NUP98: variants seen among roughly 807,000 people sequenced by gnomAD.
NUP98 encodes nuclear pore complex protein Nup98-Nup96.
NUP98 carries 26 observed loss-of-function variants against 191.9 expected under a neutral mutation model. The observed-to-expected ratio is 0.14, with a 90% CI of 0.10 to 0.19. The LOEUF (loss-of-function observed/expected upper bound fraction) is 0.19, where lower values mean the gene tolerates loss of function less well. NUP98 is among the 10% of genes least tolerant of loss of function. The pLI is 1.00. For synonymous variants in NUP98, 808 were observed against 778.4 expected (o/e 1.04, Z -0.63); for missense variants, 1,941 against 2,178.8 (o/e 0.89, Z 2.17).
intron 1 of NUP98, among the ~76,000 whole-genome samples, chr11:3,793,623 T>TA (rs374285938): frequency 4.8e-4 from 73 of 151,632 alleles, no homozygotes; most frequent in African/African-American, 1.7e-3. Flanking sequence ...CTTTCCTTAC[T>TA]AAAAAAAACT....
chr11:3,778,147 C>T (rs973314647), intron 4 of NUP98, among the ~76,000 whole-genome samples: 4 of 139,634 alleles, frequency 2.9e-5, no homozygotes, highest in East Asian at 4.2e-4. Context: ...CGCAATGAGC[C>T]GAGATTGCGC....
intron 11 of NUP98, among the ~76,000 whole-genome samples, chr11:3,747,967 A>G (rs921409459): frequency 2.0e-5 from 3 of 152,222 alleles, no homozygotes; most frequent in Admixed American, 1.3e-4. Context: ...TCATTTCCCT[A>G]CATGATATGC....
chr11:3,788,261 T>A (rs1292201266), intron 1 of NUP98, among the ~76,000 whole-genome samples: 1 of 152,174 alleles, frequency 6.6e-6, no homozygotes, highest in African/African-American at 2.4e-5. Flanking sequence ...ACCCTAATCA[T>A]TTTAGAGTGA....
At chr11:3,770,308 C>A (rs1222843714) in intron 7 of NUP98, among the ~76,000 whole-genome samples, 1 of 152,062 alleles carries the variant, frequency 6.6e-6, no homozygotes, top group Non-Finnish European at 1.5e-5. Context: ...GCTTGGGCAA[C>A]AGTGAGACTC....
At position 3,695,402 on chromosome 11, in the gene NUP98, T is replaced by C. The variant is rs1480188148; in HGVS notation, c.4167+47A>G. On this transcript the variant is annotated intron_variant, in intron 26 of 32. Transcript: ENST00000324932. The stretch of plus-strand genomic sequence containing the variant: ...TGCCTCAACCTCAAACCAGCTTCAA[T>C]TTATGAAAAAACCAATGTGAGATAT... The C allele has an allele frequency of 2.1e-6, 3 of 1,429,190 alleles. No individual in the cohort carries two copies. The East Asian group carries it at 7.6e-5, about 36-fold the overall frequency. 88.5% of individuals were successfully genotyped at this position (1,429,190 alleles called of 1,614,324 possible).
intron 12 of NUP98, among the ~76,000 whole-genome samples, chr11:3,740,371 C>T (rs1408582415): frequency 1.3e-5 from 2 of 151,814 alleles, no homozygotes; most frequent in African/African-American, 2.4e-5. Context: ...ATTAGCCGGG[C>T]GTGGTGACAT....
At chr11:3,781,046 C>A (rs892705929) in intron 2 of NUP98, among the ~76,000 whole-genome samples, 1 of 151,776 alleles carries the variant, frequency 6.6e-6, no homozygotes, top group Non-Finnish European at 1.5e-5. Flanking sequence ...ATGAGCCAGG[C>A]GTGGTGGTGT....
chr11:3,683,451 G>C lies in NUP98; in HGVS notation c.4677-10C>G, dbSNP rs765254441. The C allele has an allele frequency of 1.9e-6, 3 of 1,613,818 alleles. No homozygotes were observed. The highest frequency in any genetic ancestry group is 4.5e-5 in the East Asian group (2 of 44,882). On this transcript the variant is annotated splice_polypyrimidine_tract_variant and intron_variant, in intron 29 of 32. Transcript: ENST00000324932. ...AGCCTTCTCACGTATGCTACAGGGAGAGATAAGCTAGAATAAATCCCATCC... is the reference window on the plus strand; with the variant it reads ...AGCCTTCTCACGTATGCTACAGGGACAGATAAGCTAGAATAAATCCCATCC...
intron 29 of NUP98, among the ~76,000 whole-genome samples, chr11:3,684,370 G>T (rs978646317): frequency 8.5e-5 from 13 of 152,202 alleles, no homozygotes; most frequent in African/African-American, 3.1e-4. Flanking sequence ...ACGAGGTCAA[G>T]TCATTTACTT....
rs372467190 is a variant in NUP98, at chr11:3,712,658, C to G, written c.2648G>C (p.Ser883Thr). The change falls in exon 20 of 33, where the codon AGT becomes ACT. Residue 883 changes from serine to threonine, a missense_variant. Ser to Thr is a moderately conservative substitution (Grantham distance 58). Transcript: ENST00000324932. ...EEEEEHPSKT[S>T]TKKLKTAPLP... ...AGGAGCAGTCTTCAACTTCTTTGTA[C>G]TAGTTTTAGACGGATGCTCCTCCTC... 1.2e-6 allele frequency: 2 copies of G among 1,613,646 alleles called. No homozygotes were observed. The highest frequency in any genetic ancestry group is 1.7e-6 in the Non-Finnish European group (2 of 1,179,994).
chr11:3,680,232 G>C (rs2077942268), intron 30 of NUP98, among the ~76,000 whole-genome samples: 1 of 152,142 alleles, frequency 6.6e-6, no homozygotes, highest in Non-Finnish European at 1.5e-5. Context: ...CTAAGCTTAA[G>C]TAATATTCCA....
intron 30 of NUP98, 48 bp from the exon 31 acceptor site, chr11:3,679,756 T>C (rs747850731): frequency 2.1e-5 from 33 of 1,572,332 alleles, no homozygotes; most frequent in Non-Finnish European, 2.4e-5. Context: ...GTGCATAGTT[T>C]CCAAAAGTAC....
chr11:3,738,107 A>AAAAAAAAAAAAACC (rs1554894745), intron 12 of NUP98, among the ~76,000 whole-genome samples: 10 of 147,566 alleles, frequency 6.8e-5, no homozygotes, highest in South Asian at 2.1e-4. Flanking sequence ...AAAAAAAAAA[A>AAAAAAAAAAAAACC]CCAAAGACTT....
chr11:3,765,806 A>G (rs975637950), intron 8 of NUP98, among the ~76,000 whole-genome samples: 46 of 151,604 alleles, frequency 3.0e-4, no homozygotes, highest in Admixed American at 7.2e-4. Context: ...TGTCTCAAAA[A>G]AAAAAAAAAA....
intron 23 of NUP98, 124 bp downstream of exon 23, chr11:3,702,338 CT>C (rs2078728007): frequency 3.2e-6 from 1 of 316,684 alleles, no homozygotes. Flanking sequence ...CTCTCTCTCT[CT>C]CTCTCTCTCT....
chr11:3,768,759 AAAAAAAAAAG>A lies in NUP98; in HGVS notation c.785-25_785-16del. 1.2e-6 allele frequency: 1 copy of A among 808,754 alleles called. No homozygotes were observed. The highest frequency in any genetic ancestry group is 1.6e-6 in the Non-Finnish European group (1 of 636,310). 50.1% of individuals were successfully genotyped at this position (808,754 alleles called of 1,614,324 possible). A position where few individuals can be genotyped will look rare whatever the true frequency, so the allele number is the denominator to read the frequency against. ...TCCAGTTGTACCTTTTAGGAAAAAG[AAAAAAAAAAG>A]AAAAAAGAAATAATAAAAAAAATGT... On this transcript the variant is annotated splice_polypyrimidine_tract_variant and intron_variant, in intron 7 of 32. Transcript: ENST00000324932.
Position 3,679,546 on chromosome 11 carries a change from T to C in NUP98, c.5073+8A>G. ...AAAATCAGGCAGCAGTTTCAGGATC[T>C]CAGGTACCTGCTGTATATGGCGGAG... is the stretch of plus-strand genomic sequence containing the variant. On this transcript the variant is annotated splice_region_variant and intron_variant, in intron 31 of 32. Transcript: ENST00000324932. 1 of 1,614,152 alleles carries C rather than the reference T, an allele frequency of 6.2e-7. No individual in the cohort carries two copies. Among genetic ancestry groups the C allele is most frequent in the Non-Finnish European group, 8.5e-7 (1 of 1,180,004 alleles).
chr11:3,723,023 C>T lies in NUP98; in HGVS notation c.2146+134G>A, dbSNP rs530701066. The T allele has an allele frequency of 4.5e-5, 33 of 736,784 alleles. No individual in the cohort carries two copies. In the African/African-American group the frequency reaches 5.7e-4, roughly 13 times the overall value. 45.6% of individuals were successfully genotyped at this position (736,784 alleles called of 1,614,324 possible). On this transcript the variant is annotated intron_variant, in intron 16 of 32. Coordinates refer to ENST00000324932, the MANE Select transcript of NUP98 (RefSeq NM_016320.5). ...AGCATAAAACTGTTTAAATATTAAG[C>T]TCTCCTATGTGGGATCACATAAAAT...
chr11:3,797,256 C>T, intron 1 of NUP98, 144 bp downstream of exon 1: 1 of 396,960 alleles, frequency 2.5e-6, no homozygotes, highest in Non-Finnish European at 4.4e-6. Flanking sequence ...TCCTCAGCAC[C>T]GCCCCTCTCT....
Sources: allele counts gnomAD v4.1 joint callset (sites outside exome capture counted in the v4.1 genomes callset), GRCh38; gene constraint gnomAD v4.1.1; transcripts MANE v1.5; gene names NCBI Gene and HGNC (gene_info 2026-07-23, HGNC 2026-07-21).